Variants in EZH1 observed in about 807,000 individuals in gnomAD.
EZH1 encodes the protein histone-lysine N-methyltransferase EZH1.
EZH1 carries 33 observed loss-of-function variants against 100.5 expected under a neutral mutation model. The observed-to-expected ratio is 0.33, with a 90% CI of 0.25 to 0.44. EZH1 has a LOEUF of 0.44. Among genes scored for constraint, EZH1 ranks in the 20% least tolerant of loss-of-function variants. The pLI is 1.00. For synonymous variants in EZH1, 272 were observed against 313.8 expected (o/e 0.87, Z 1.41); for missense variants, 475 against 928.4 (o/e 0.51, Z 6.35).
chr17:42,741,562 A>C (rs1248748057), intron 1 of EZH1, among the ~76,000 whole-genome samples: 1 of 152,246 alleles, frequency 6.6e-6, no homozygotes, highest in Non-Finnish European at 1.5e-5. Flanking sequence ...GATATACTTA[A>C]TGACATGAAT....
chr17:42,733,578 T>C (rs947368133), intron 1 of EZH1, among the ~76,000 whole-genome samples: 1 of 147,712 alleles, frequency 6.8e-6, no homozygotes, highest in African/African-American at 2.5e-5. Context: ...GAGGTGGAGC[T>C]TGCGGTGAGC....
In EZH1 at chr17:42,702,114, G is replaced by A. The variant is rs1357357782; in HGVS notation, c.*418C>T. 3.0e-5 allele frequency: 5 copies of A among 164,906 alleles called. No homozygotes were observed. The highest frequency in any genetic ancestry group is 1.2e-4 in the African/African-American group (5 of 41,924). 10.2% of individuals were successfully genotyped at this position (164,906 alleles called of 1,614,324 possible). On this transcript the variant is annotated 3_prime_UTR_variant, in exon 21 of 21. Transcript: ENST00000428826. The stretch of plus-strand genomic sequence containing the variant: ...CCTCTCCAGGTCTTAGGACCACAGA[G>A]GTTTGCCTGCATCCCAATAACATAA...
At position 42,712,420 on chromosome 17, in the gene EZH1, C is replaced by G; in HGVS notation, c.1270G>C (p.Val424Leu). The change falls in exon 12 of 21, where the codon GTA (valine) becomes CTA (leucine). Residue 424 changes from valine (V) to leucine (L), a missense_variant. This residue lies in a region of EZH1 where 83 missense variants were observed against 142.1 expected (regional missense o/e 0.58). Transcript: ENST00000428826. ...ACAGGCTCCGAGGGTGCTTCCACTACGCAGAGTTGAGGTGGGGCTGGACTA... is the reference window on the plus strand; with the variant it reads ...ACAGGCTCCGAGGGTGCTTCCACTAGGCAGAGTTGAGGTGGGGCTGGACTA... Reference protein sequence around the residue: ...KASPAPPQLCVVEAPSEPVEW... With the variant: ...KASPAPPQLCLVEAPSEPVEW... 1.2e-6 allele frequency: 2 copies of G among 1,614,164 alleles called. No individual in the cohort carries two copies. Among genetic ancestry groups the G allele is most frequent in the Non-Finnish European group, 1.7e-6 (2 of 1,180,026 alleles).
intron 1 of EZH1, among the ~76,000 whole-genome samples, chr17:42,738,530 T>A (rs941928023): frequency 3.4e-4 from 43 of 125,872 alleles, no homozygotes; most frequent in African/African-American, 4.7e-4. Flanking sequence ...CTATTTTTTT[T>A]ATTTTTTTTT....
intron 2 of EZH1, 128 bp from the exon 3 acceptor site, chr17:42,729,080 T>A: frequency 1.0e-6 from 1 of 970,206 alleles, no homozygotes; most frequent in Non-Finnish European, 1.5e-6. Flanking sequence ...AACACACATT[T>A]AAAGAACCCA....
At position 42,733,032 on chromosome 17, in the gene EZH1, CAAAAAAAA is replaced by C. The variant is rs35232752; in HGVS notation, c.-102-2122_-102-2115del. Among the ~76,000 whole-genome samples, 10 of 103,242 alleles carry C rather than the reference CAAAAAAAA, an allele frequency of 9.7e-5. 1 individual carries two copies. In the East Asian group the frequency reaches 1.2e-3, roughly 12 times the overall value. The allele number at this position is 103,242 out of a possible 152,430, so 67.7% of individuals were successfully genotyped here. On this transcript the variant is annotated intron_variant, in intron 1 of 20. Coordinates refer to ENST00000428826, the MANE Select transcript of EZH1 (RefSeq NM_001991.5). ...GCAACAAAGTGAGACACCATCTCTA[CAAAAAAAA>C]AAAAAAAAAAGAAAAAGCCAGGTGC... is the stretch of plus-strand genomic sequence containing the variant.
At chr17:42,731,095 C>T (rs1457295833) in intron 1 of EZH1, among the ~76,000 whole-genome samples, 177 bp from the exon 2 acceptor site, 6 of 151,736 alleles carry the variant, frequency 4.0e-5, no homozygotes, top group Non-Finnish European at 8.8e-5. Context: ...AGGCCCTTTA[C>T]TTTATTAAAT....
chr17:42,730,486 TC>T (rs150968875), intron 2 of EZH1, among the ~76,000 whole-genome samples: 2 of 136,566 alleles, frequency 1.5e-5, no homozygotes, highest in African/African-American at 5.6e-5. Flanking sequence ...AAGTATGTAT[TC>T]TTTTTTTTTT....
rs138335379 is a variant in EZH1 at position 42,718,760 on chromosome 17, T to A, written c.768-143A>T. The A allele has an allele frequency of 1.3e-6, 1 of 777,672 alleles. No individual in the cohort carries two copies. Among genetic ancestry groups the A allele is most frequent in the East Asian group, 2.7e-5 (1 of 37,552 alleles). 48.2% of individuals were successfully genotyped at this position (777,672 alleles called of 1,614,324 possible). A position where few individuals can be genotyped will look rare whatever the true frequency, so the allele number is the denominator to read the frequency against. The stretch of plus-strand genomic sequence containing the variant: ...ATAGGTCTGGTTGATAAGAGAATGG[T>A]AGATAACTAGAGTGGGTCCACCATT... On this transcript the variant is annotated intron_variant, in intron 8 of 20. Transcript: ENST00000428826. This position sits in a 1 kb window ranked among gnomAD's most constrained non-coding sequence, Gnocchi z 4.2.
chr17:42,734,947 C>T (rs1040054816), intron 1 of EZH1, among the ~76,000 whole-genome samples: 4 of 134,596 alleles, frequency 3.0e-5, no homozygotes, highest in Non-Finnish European at 6.4e-5. Context: ...GAGCTGAGAT[C>T]GCGCCACTGC....
intron 10 of EZH1, among the ~76,000 whole-genome samples, chr17:42,716,235 G>A (rs934308503): frequency 1.3e-5 from 2 of 152,090 alleles, no homozygotes; most frequent in African/African-American, 4.8e-5. Flanking sequence ...TGTCCTAGGT[G>A]TAATAATGTG....
chr17:42,738,006 C>T (rs1270791481), intron 1 of EZH1, among the ~76,000 whole-genome samples: 1 of 151,848 alleles, frequency 6.6e-6, no homozygotes, highest in Non-Finnish European at 1.5e-5. Flanking sequence ...GAAACCCCGT[C>T]TCTACTAAAA....
intron 4 of EZH1, among the ~76,000 whole-genome samples, chr17:42,725,266 T>C (rs1338859583): frequency 1.3e-5 from 2 of 151,926 alleles, no homozygotes; most frequent in East Asian, 3.9e-4. Context: ...TTGTGGAAAG[T>C]AGAAACTCTT....
At chr17:42,728,107 G>A (rs546102848) in intron 3 of EZH1, among the ~76,000 whole-genome samples, 61 of 134,380 alleles carry the variant, frequency 4.5e-4, no homozygotes, top group African/African-American at 1.0e-3. Flanking sequence ...ATGAGCCACC[G>A]TGCCTGGCCT....
At chr17:42,717,603 C>T (rs940211137) in intron 10 of EZH1, among the ~76,000 whole-genome samples, 24 of 152,258 alleles carry the variant, frequency 1.6e-4, no homozygotes, top group Non-Finnish European at 2.6e-4. Flanking sequence ...AGCATCATCA[C>T]GTGCTATTCG....
chr17:42,740,992 G>T (rs1278314070), intron 1 of EZH1, among the ~76,000 whole-genome samples: 1 of 152,130 alleles, frequency 6.6e-6, no homozygotes, highest in African/African-American at 2.4e-5. Flanking sequence ...ACAAAACAAA[G>T]AAAAAGCTGG....
intron 13 of EZH1, 47 bp downstream of exon 13, chr17:42,709,799 G>A (rs1362214487): frequency 6.3e-7 from 1 of 1,578,944 alleles, no homozygotes; most frequent in Non-Finnish European, 8.7e-7. Flanking sequence ...CAGAGCACAG[G>A]GAACAGCCTG....
At chr17:42,728,681 G>C (rs1245704532) in intron 3 of EZH1, 144 bp downstream of exon 3, 3 of 697,434 alleles carry the variant, frequency 4.3e-6, no homozygotes, top group Non-Finnish European at 6.6e-6. Flanking sequence ...GGTGGAGCTT[G>C]CAGTAAGCTG....
chr17:42,725,274 C>CT lies in EZH1; in HGVS notation c.247-851dup, dbSNP rs891372461. On this transcript the variant is annotated intron_variant, in intron 4 of 20. Transcript: ENST00000428826. ...TGCAAACTTGTGGAAAGTAGAAACT[C>CT]TTTTTTTTTTTTTGAGACAGGATCT... Among the ~76,000 whole-genome samples the CT allele has an allele frequency of 4.8e-3, 702 of 145,228 alleles. 3 individuals are homozygous for CT. Among genetic ancestry groups the CT allele is most frequent in the South Asian group, 0.024 (108 of 4,546 alleles).
Sources: allele counts gnomAD v4.1 joint callset (sites outside exome capture counted in the v4.1 genomes callset), GRCh38; gene constraint gnomAD v4.1.1; regional missense constraint gnomAD v4.1.1; non-coding constraint Gnocchi (gnomAD v3.1); transcripts MANE v1.5; gene names NCBI Gene and HGNC (gene_info 2026-07-23, HGNC 2026-07-21).